RNASET2: variants seen among roughly 807,000 people sequenced by gnomAD.
RNASET2 encodes ribonuclease T2.
In RNASET2, 28 loss-of-function variants were observed where a neutral mutation model predicts 33.9. The ratio of observed to expected loss-of-function variants is 0.83; its 90% CI spans 0.61 to 1.13. RNASET2 has a LOEUF of 1.13. RNASET2 is among the 50% of genes most tolerant of loss of function. The pLI, the probability that RNASET2 is intolerant of heterozygous loss-of-function variation, is 0.00. For missense variants in RNASET2, 330 were observed against 319.9 expected (o/e 1.03, Z -0.24); for synonymous variants, 123 against 121.0 (o/e 1.02, Z -0.11).
chr6:166,925,369 C>A lies in RNASET2; in HGVS notation c.*4219G>T, dbSNP rs527669323. On this transcript the variant is annotated 3_prime_UTR_variant, in exon 9 of 9. Transcript: ENST00000508775. Reference sequence around the variant, plus strand: ...TTCCTCCATCCAGGCATCATTCCTGCCACCCAGGCCTCATCTACACTGCCT... The same window carrying A: ...TTCCTCCATCCAGGCATCATTCCTGACACCCAGGCCTCATCTACACTGCCT... Among the ~76,000 whole-genome samples the A allele has an allele frequency of 4.0e-5, 6 of 151,660 alleles. No individual in the cohort carries two copies. The South Asian group carries it at 1.3e-3, about 32-fold the overall frequency.
At chr6:166,946,400 A>T (rs1453497459) in intron 4 of RNASET2, among the ~76,000 whole-genome samples, 1 of 152,198 alleles carries the variant, frequency 6.6e-6, no homozygotes, top group African/African-American at 2.4e-5. Context: ...CAGGTCTGGC[A>T]TGGGGGAGTG....
At chr6:166,949,928 TAGG>T (rs1309647166) in intron 2 of RNASET2, among the ~76,000 whole-genome samples, 1 of 152,202 alleles carries the variant, frequency 6.6e-6, no homozygotes, top group Non-Finnish European at 1.5e-5. Flanking sequence ...CCTCACTGCC[TAGG>T]AGGACACCTG....
intron 7 of RNASET2, chr6:166,932,159 CT>C (rs892850865): frequency 1.3e-5 from 2 of 152,686 alleles, no homozygotes; most frequent in Non-Finnish European, 2.9e-5. Flanking sequence ...TCCCATCCCC[CT>C]GTCCCAAACG....
rs1778308607 is a variant in RNASET2 at position 166,926,538 on chromosome 6, A to C, written c.*3050T>G. ...GACAGAGTGAGACTCAGTCTCAAAA[A>C]AAAAAAAAAAGAAAAGAAAAGAAAA... is the stretch of plus-strand genomic sequence containing the variant. On this transcript the variant is annotated 3_prime_UTR_variant, in exon 9 of 9. Transcript: ENST00000508775. Among the ~76,000 whole-genome samples the C allele has an allele frequency of 6.6e-6, 1 of 151,202 alleles. No individual in the cohort carries two copies. Among genetic ancestry groups the C allele is most frequent in the African/African-American group, 2.4e-5 (1 of 41,060 alleles).
At chr6:166,955,177 A>ACACACACACACACG (rs1779078351) in intron 1 of RNASET2, among the ~76,000 whole-genome samples, 2 of 112,266 alleles carry the variant, frequency 1.8e-5, no homozygotes, top group Non-Finnish European at 3.5e-5. Context: ...GGCGGCTGCC[A>ACACACACACACACG]CACACACACA....
chr6:166,927,713 C>CAAAAAAAAAAAAAAAAAAAAAA lies in RNASET2; in HGVS notation c.*1853_*1874dup, dbSNP rs58837223. 4.2e-5 allele frequency among the ~76,000 whole-genome samples: 2 copies of CAAAAAAAAAAAAAAAAAAAAAA among 47,342 alleles called. No individual in the cohort carries two copies. The highest frequency in any genetic ancestry group is 1.7e-4 in the African/African-American group (2 of 11,648). 31.1% of individuals were successfully genotyped at this position (47,342 alleles called of 152,430 possible). On this transcript the variant is annotated 3_prime_UTR_variant, in exon 9 of 9. Coordinates refer to ENST00000508775, the MANE Select transcript of RNASET2 (RefSeq NM_003730.6). ...TGATCCCTGTGTTCGCAAAATGACT[C>CAAAAAAAAAAAAAAAAAAAAAA]AAAAAAAAAAAAAAAAAAAAAAAGA...
chr6:166,956,038 G>A (rs1040587305), intron 1 of RNASET2, 59 bp downstream of exon 1: 2 of 1,480,798 alleles, frequency 1.4e-6, no homozygotes, highest in African/African-American at 2.8e-5. Flanking sequence ...CCTTCACCCA[G>A]TGGAAAGCTC....
chr6:166,951,423 TCTAA>T (rs1307069892), intron 2 of RNASET2, among the ~76,000 whole-genome samples: 2 of 152,236 alleles, frequency 1.3e-5, no homozygotes, highest in African/African-American at 4.8e-5. Context: ...CAGAGTCTGC[TCTAA>T]CTCCCTTTCC....
chr6:166,949,182 G>GA (rs1450878525), intron 2 of RNASET2, among the ~76,000 whole-genome samples: 1 of 21,540 alleles, frequency 4.6e-5, no homozygotes, highest in African/African-American at 1.8e-4. Flanking sequence ...TAGGTGACAA[G>GA]AAAAAAACCG....
Position 166,934,257 on chromosome 6 carries a change from T to C in RNASET2, c.447-121A>G, listed in dbSNP as rs185397741. On this transcript the variant is annotated intron_variant, in intron 6 of 8. Coordinates refer to ENST00000508775, the MANE Select transcript of RNASET2 (RefSeq NM_003730.6). The stretch of plus-strand genomic sequence containing the variant: ...CACTCTTAAAGGAAAGTGTTTTCTA[T>C]GACTTTATGCAACAAATGTGTCAAC... The C allele has an allele frequency of 5.3e-4, 391 of 733,718 alleles. 1 individual carries two copies. The African/African-American group carries it at 6.0e-3, about 11-fold the overall frequency. The allele number at this position is 733,718 out of a possible 1,614,324, so 45.5% of individuals were successfully genotyped here. A position where few individuals can be genotyped will look rare whatever the true frequency, so the allele number is the denominator to read the frequency against.
Position 166,927,920 on chromosome 6 carries a change from C to G in RNASET2, c.*1668G>C, listed in dbSNP as rs1160309214. Among the ~76,000 whole-genome samples the G allele has an allele frequency of 6.6e-6, 1 of 152,116 alleles. No individual in the cohort carries two copies. Among genetic ancestry groups the G allele is most frequent in the Non-Finnish European group, 1.5e-5 (1 of 68,016 alleles). On this transcript the variant is annotated 3_prime_UTR_variant, in exon 9 of 9. Coordinates refer to ENST00000508775, the MANE Select transcript of RNASET2 (RefSeq NM_003730.6). ...GTTCCCGACAGAAACAAATCCTGCCCTGCCAAGCCAACAGAAAAACACTGG... is the reference window on the plus strand; with the variant it reads ...GTTCCCGACAGAAACAAATCCTGCCGTGCCAAGCCAACAGAAAAACACTGG...
At chr6:166,955,290 GCACAGACGCGCACACACGACACACA>G (rs1779109166) in intron 1 of RNASET2, among the ~76,000 whole-genome samples, 1 of 68,466 alleles carries the variant, frequency 1.5e-5, no homozygotes, top group Non-Finnish European at 2.5e-5. Context: ...CGACACACAC[GCACAGACGCGCACACACGACACACA>G]CGCACACACA....
rs1562490059 is a variant in RNASET2 at position 166,925,122 on chromosome 6, A to ACT, written c.*4465_*4466insAG. Among the ~76,000 whole-genome samples the ACT allele has an allele frequency of 6.7e-5, 10 of 148,494 alleles. No individual in the cohort carries two copies. Among genetic ancestry groups the ACT allele is most frequent in the African/African-American group, 2.5e-4 (10 of 39,424 alleles). On this transcript the variant is annotated 3_prime_UTR_variant, in exon 9 of 9. Transcript: ENST00000508775. ...CCAAAACCGGAACAGCACAGCCCTC[A>ACT]CCTCTGCTGCCCAGGCCTCATCTAC... is the stretch of plus-strand genomic sequence containing the variant.
chr6:166,943,564 T>C (rs62436421), intron 4 of RNASET2: 67,596 of 327,026 alleles, frequency 0.21, 7,600 homozygotes, highest in Middle Eastern at 0.29. Context: ...AGGGGAGGTA[T>C]GGCTCAGGGG....
At chr6:166,952,615 C>A in intron 1 of RNASET2, 67 bp from the exon 2 acceptor site, 1 of 1,192,186 alleles carries the variant, frequency 8.4e-7, no homozygotes, top group South Asian at 1.2e-5. Context: ...ATTCATCCAC[C>A]CATCCATCCC....
Position 166,929,738 on chromosome 6 carries a change from G to A in RNASET2, c.621C>T (p.Asp207=). 6.2e-7 allele frequency: 1 copy of A among 1,614,062 alleles called. No individual in the cohort carries two copies. Among genetic ancestry groups the A allele is most frequent in the Non-Finnish European group, 8.5e-7 (1 of 1,180,014 alleles). ...GCTCGGTGCAGTTTTGCAGCTGCTG[G>A]TCTTGCTTAGTGAGGCACAGTTCTA... is the stretch of plus-strand genomic sequence containing the variant. ...GQIELCLTKQ[D]QQLQNCTEPG... The change falls in exon 9 of 9, where the codon GAC becomes GAT. Residue 207 remains aspartate (D), a synonymous_variant. Coordinates refer to ENST00000508775, the MANE Select transcript of RNASET2 (RefSeq NM_003730.6).
At position 166,929,592 on chromosome 6, in the gene RNASET2, T is replaced by C. The variant is rs773490411; in HGVS notation, c.767A>G (p.His256Arg). ...VFYPPPKKTKH is the reference protein window; with the variant it reads ...VFYPPPKKTKR ...AATATTTCCAAAACTTGGGCATCAA[T>C]GCTTGGTCTTTTTAGGTGGGGGATA... is the stretch of plus-strand genomic sequence containing the variant. The change falls in exon 9 of 9, where the codon CAT (histidine) becomes CGT (arginine). Residue 256 changes from histidine to arginine, a missense_variant. Transcript: ENST00000508775. 1.5e-5 allele frequency: 24 copies of C among 1,614,036 alleles called. No homozygotes were observed. The highest frequency in any genetic ancestry group is 1.9e-5 in the Non-Finnish European group (23 of 1,179,974).
At chr6:166,950,011 C>T (rs2128647030) in intron 2 of RNASET2, among the ~76,000 whole-genome samples, 1 of 152,364 alleles carries the variant, frequency 6.6e-6, no homozygotes, top group African/African-American at 2.4e-5. Context: ...CATTTTGCTA[C>T]AGATTTTTTT....
chr6:166,925,483 C>T lies in RNASET2; in HGVS notation c.*4105G>A, dbSNP rs1778291214. 6.6e-6 allele frequency among the ~76,000 whole-genome samples: 1 copy of T among 151,712 alleles called. No individual in the cohort carries two copies. The highest frequency in any genetic ancestry group is 2.1e-4 in the South Asian group (1 of 4,796). On this transcript the variant is annotated 3_prime_UTR_variant, in exon 9 of 9. Transcript: ENST00000508775. ...CAGGCCTCATCTATACTGCCCAGCCCTCACCTCCCCTGTCCAGCCCTCACC... is the reference window on the plus strand; with the variant it reads ...CAGGCCTCATCTATACTGCCCAGCCTTCACCTCCCCTGTCCAGCCCTCACC...
Sources: allele counts gnomAD v4.1 joint callset (sites outside exome capture counted in the v4.1 genomes callset), GRCh38; gene constraint gnomAD v4.1.1; transcripts MANE v1.5; gene names NCBI Gene and HGNC (gene_info 2026-07-23, HGNC 2026-07-21).